Variants in CYP19A1 observed in about 807,000 individuals in gnomAD.
The protein encoded by CYP19A1 is cytochrome P450 family 19 subfamily A member 1.
In CYP19A1, 32 loss-of-function variants were observed where a neutral mutation model predicts 44.4. That is an observed-to-expected ratio of 0.72 (90% CI 0.54 to 0.97). The LOEUF is 0.97. CYP19A1 is among the 50% of genes least tolerant of loss of function. The probability of loss-of-function intolerance (pLI) is 0.00; values close to 1 mark genes in which losing one functional copy is unlikely to be tolerated. For synonymous variants in CYP19A1, 212 were observed against 215.6 expected (o/e 0.98, Z 0.14); for missense variants, 598 against 637.8 (o/e 0.94, Z 0.67).
At chr15:51,214,464 C>T (rs1490745041) in intron 8 of CYP19A1, among the ~76,000 whole-genome samples, 3 of 152,144 alleles carry the variant, frequency 2.0e-5, no homozygotes, top group Non-Finnish European at 4.4e-5. Flanking sequence ...AAATGTATCA[C>T]TACCCTGTCT....
chr15:51,284,051 A>C (rs2035618122), intron 1 of CYP19A1, among the ~76,000 whole-genome samples: 1 of 152,106 alleles, frequency 6.6e-6, no homozygotes, highest in African/African-American at 2.4e-5. Context: ...GGAATAATTG[A>C]CTCTGATTAT....
chr15:51,252,219 A>T (rs911270214), intron 1 of CYP19A1, among the ~76,000 whole-genome samples: 2 of 152,186 alleles, frequency 1.3e-5, no homozygotes, highest in African/African-American at 4.8e-5. Flanking sequence ...CTAAGGATCC[A>T]GTGAACGTGG....
At chr15:51,233,662 C>T (rs1203422699) in intron 3 of CYP19A1, among the ~76,000 whole-genome samples, 2 of 152,142 alleles carry the variant, frequency 1.3e-5, no homozygotes, top group African/African-American at 2.4e-5. Flanking sequence ...AAAAATATAA[C>T]CCTAATTAGT....
At chr15:51,223,405 T>C (rs971950447) in intron 4 of CYP19A1, among the ~76,000 whole-genome samples, 1 of 152,178 alleles carries the variant, frequency 6.6e-6, no homozygotes, top group African/African-American at 2.4e-5. Context: ...CCCCTTTCTC[T>C]CTTTGTGTTA....
intron 2 of CYP19A1, among the ~76,000 whole-genome samples, chr15:51,240,261 G>A (rs1378553767): frequency 6.6e-6 from 1 of 152,086 alleles, no homozygotes; most frequent in Admixed American, 6.5e-5. Context: ...AGGGCAGCCT[G>A]TTTACTTAGC....
At chr15:51,213,122 A>G (rs1220364134) in intron 8 of CYP19A1, among the ~76,000 whole-genome samples, 1 of 152,032 alleles carries the variant, frequency 6.6e-6, no homozygotes, top group Non-Finnish European at 1.5e-5. Flanking sequence ...TTTCAATGAA[A>G]TTTTCTCTTC....
chr15:51,290,766 C>T (rs537702645), intron 1 of CYP19A1, among the ~76,000 whole-genome samples: 3 of 152,358 alleles, frequency 2.0e-5, no homozygotes, highest in East Asian at 3.9e-4. Context: ...CGTCATGTTG[C>T]TCTATACATA....
intron 4 of CYP19A1, 69 bp from the exon 5 acceptor site, chr15:51,222,594 G>A (rs1017115504): frequency 1.5e-6 from 2 of 1,335,976 alleles, no homozygotes; most frequent in Admixed American, 1.9e-5. Flanking sequence ...TGCCATTTTG[G>A]CTTTTTATGT....
At chr15:51,259,486 T>C (rs1436860348) in intron 1 of CYP19A1, among the ~76,000 whole-genome samples, 1 of 152,210 alleles carries the variant, frequency 6.6e-6, no homozygotes, top group Non-Finnish European at 1.5e-5. Context: ...CCAGCTCTTT[T>C]GCCAAGGAAG....
intron 1 of CYP19A1, among the ~76,000 whole-genome samples, chr15:51,243,285 A>C (rs2033887458): frequency 6.6e-6 from 1 of 152,184 alleles, no homozygotes; most frequent in South Asian, 2.1e-4. Flanking sequence ...TAAGAAAATA[A>C]AGCTCATTCC....
chr15:51,266,464 G>A (rs2034922155), intron 1 of CYP19A1, among the ~76,000 whole-genome samples: 1 of 152,234 alleles, frequency 6.6e-6, no homozygotes. Flanking sequence ...GGCAGGAAGA[G>A]AAGCACCTCC....
chr15:51,304,313 C>G (rs1274072665), intron 1 of CYP19A1, among the ~76,000 whole-genome samples: 1 of 152,184 alleles, frequency 6.6e-6, no homozygotes, highest in Non-Finnish European at 1.5e-5. Flanking sequence ...GAAACCATTG[C>G]TTCCACCCCA....
At chr15:51,240,289 G>T (rs967255269) in intron 2 of CYP19A1, among the ~76,000 whole-genome samples, 6 of 152,108 alleles carry the variant, frequency 3.9e-5, no homozygotes, top group Non-Finnish European at 7.3e-5. Flanking sequence ...ACGGCTAGAA[G>T]AAGCTTAGAT....
At chr15:51,254,491 A>AC (rs1303455679) in intron 1 of CYP19A1, among the ~76,000 whole-genome samples, 1 of 151,588 alleles carries the variant, frequency 6.6e-6, no homozygotes, top group Non-Finnish European at 1.5e-5. Flanking sequence ...CTGTGGCCCC[A>AC]CCCCCCTCCA....
At chr15:51,258,479 C>T (rs1028049724) in intron 1 of CYP19A1, among the ~76,000 whole-genome samples, 1 of 152,238 alleles carries the variant, frequency 6.6e-6, no homozygotes, top group Admixed American at 6.5e-5. Context: ...AGACTTGACT[C>T]TCCTATAAAC....
At chr15:51,297,148 C>A (rs182517781) in intron 1 of CYP19A1, among the ~76,000 whole-genome samples, 3 of 152,320 alleles carry the variant, frequency 2.0e-5, no homozygotes, top group African/African-American at 4.8e-5. Flanking sequence ...GGATCCCAGA[C>A]CTTTAGACCT....
intron 1 of CYP19A1, among the ~76,000 whole-genome samples, chr15:51,274,515 C>A (rs557924569): frequency 6.6e-6 from 1 of 152,274 alleles, no homozygotes; most frequent in East Asian, 1.9e-4. Context: ...ATGGTCATGC[C>A]AAATGCAAGG....
rs185581344 is a variant in CYP19A1 at position 51,275,929 on chromosome 15, C to G, written c.-38-32979G>C. On this transcript the variant is annotated intron_variant, in intron 1 of 9. Coordinates refer to ENST00000396402, the MANE Select transcript of CYP19A1 (RefSeq NM_000103.4). ...TAGCTGCTGTGTCCCCCCGGCCAGC[C>G]CCACACCAGATTCCAGCCTGAGGTT... Among the ~76,000 whole-genome samples, 122 of 152,246 alleles carry G rather than the reference C, an allele frequency of 8.0e-4. 1 individual carries two copies. Among genetic ancestry groups the G allele is most frequent in the African/African-American group, 2.9e-3 (119 of 41,530 alleles).
At chr15:51,271,249 T>C (rs1377910401) in intron 1 of CYP19A1, among the ~76,000 whole-genome samples, 1 of 152,138 alleles carries the variant, frequency 6.6e-6, no homozygotes. Context: ...CTCTCATTCT[T>C]AGAGATGCTC....
Sources: allele counts gnomAD v4.1 joint callset (sites outside exome capture counted in the v4.1 genomes callset), GRCh38; gene constraint gnomAD v4.1.1; transcripts MANE v1.5; gene names NCBI Gene and HGNC (gene_info 2026-07-23, HGNC 2026-07-21).